SATB2: variants seen among roughly 807,000 people sequenced by gnomAD.
SATB2 encodes the protein SATB homeobox 2, also known as DNA-binding protein SATB2.
Under a neutral mutation model 73.4 loss-of-function variants are expected in SATB2, and 1 was observed. That is an observed-to-expected ratio of 0.01 (90% confidence interval 0.00 to 0.06). SATB2 has a LOEUF of 0.06. Ranked by LOEUF, SATB2 falls within the 10% of genes least tolerant of loss-of-function variation. The pLI, the probability that SATB2 is intolerant of heterozygous loss-of-function variation, is 1.00. For synonymous variants in SATB2, 397 were observed against 367.0 expected (o/e 1.08, Z -0.93); for missense variants, 459 against 945.8 (o/e 0.49, Z 6.75).
chr2:199,393,162 T>TA (rs1690199035), intron 3 of SATB2, among the ~76,000 whole-genome samples: 1 of 152,160 alleles, frequency 6.6e-6, no homozygotes, highest in African/African-American at 2.4e-5. Flanking sequence ...CCTCTGCACT[T>TA]AAAAATATTT....
chr2:199,293,078 TAAGAA>T (rs1448442353), intron 10 of SATB2, among the ~76,000 whole-genome samples: 1 of 152,214 alleles, frequency 6.6e-6, no homozygotes, highest in African/African-American at 2.4e-5. Flanking sequence ...CAGAAAGGGT[TAAGAA>T]AAGAGAATAT....
intron 10 of SATB2, among the ~76,000 whole-genome samples, chr2:199,294,671 T>C (rs1692971404): frequency 6.6e-6 from 1 of 152,162 alleles, no homozygotes; most frequent in South Asian, 2.1e-4. Flanking sequence ...TACCACACTT[T>C]TGAGTACAAC....
At chr2:199,359,432 A>C (rs1208910415) in intron 6 of SATB2, among the ~76,000 whole-genome samples, 3 of 152,212 alleles carry the variant, frequency 2.0e-5, no homozygotes, top group African/African-American at 7.2e-5. Context: ...ACATAGAATG[A>C]TTCTAACCAA....
chr2:199,448,907 C>T (rs546154254), intron 2 of SATB2, among the ~76,000 whole-genome samples: 1 of 152,236 alleles, frequency 6.6e-6, no homozygotes, highest in South Asian at 2.1e-4. Context: ...TGCCCACACA[C>T]TATTAGTGAG....
intron 3 of SATB2, among the ~76,000 whole-genome samples, chr2:199,419,849 A>C (rs1574611743): frequency 6.6e-6 from 1 of 152,162 alleles, no homozygotes. Context: ...ATGCATTTGT[A>C]ATGTCTTTGA....
chr2:199,458,954 AG>A (rs974842253), upstream of SATB2, among the ~76,000 whole-genome samples: 11 of 152,076 alleles, frequency 7.2e-5, no homozygotes, highest in Non-Finnish European at 1.2e-4. Context: ...CCCGAATGCC[AG>A]GAGCACGGCC....
In SATB2 at chr2:199,463,051, G is replaced by A. The variant is rs2105967400; in HGVS notation, c.-141+1785C>T. The stretch of plus-strand genomic sequence containing the variant: ...GCGAGGAGATAGGTTTCAGAGCTGG[G>A]GGAGTCGTTGGTGGGAGATCTGGTG... On this transcript the variant is annotated intron_variant, in intron 1 of 11. Coordinates refer to the SATB2 transcript ENST00000260926. This position sits in a 1 kb window ranked among gnomAD's most constrained non-coding sequence, Gnocchi z 6.4. Among the ~76,000 whole-genome samples, 1 of 152,252 alleles carries A rather than the reference G, an allele frequency of 6.6e-6. No homozygotes were observed. The highest frequency in any genetic ancestry group is 1.5e-5 in the Non-Finnish European group (1 of 68,000).
rs1055918298 is a variant in SATB2 at position 199,270,700 on chromosome 2, G to A, written c.*1511C>T. 4.6e-5 allele frequency: 7 copies of A among 152,326 alleles called. No homozygotes were observed. The highest frequency in any genetic ancestry group is 2.6e-4 in the Admixed American group (4 of 15,274). 9.4% of individuals were successfully genotyped at this position (152,326 alleles called of 1,614,324 possible). ...ATCTGGAGTACTATAGTAGATTGCA[G>A]CTTTAATGCTCATCCCATTAAACAT... On this transcript the variant is annotated 3_prime_UTR_variant, in exon 11 of 11. Transcript: ENST00000417098.
At chr2:199,277,077 C>A (rs757159197) in intron 10 of SATB2, among the ~76,000 whole-genome samples, 1 of 152,090 alleles carries the variant, frequency 6.6e-6, no homozygotes, top group Non-Finnish European at 1.5e-5. Flanking sequence ...CTGTATGATT[C>A]CACTTATGTG....
At chr2:199,449,245 T>C (rs1692055171) in intron 2 of SATB2, among the ~76,000 whole-genome samples, 1 of 152,298 alleles carries the variant, frequency 6.6e-6, no homozygotes, top group East Asian at 1.9e-4. Flanking sequence ...TTTATCTAGT[T>C]TTTTAAAAAT....
At chr2:199,279,672 G>T (rs542307614) in intron 10 of SATB2, among the ~76,000 whole-genome samples, 4 of 152,192 alleles carry the variant, frequency 2.6e-5, no homozygotes, top group African/African-American at 9.7e-5. Context: ...GTCCTGTAGG[G>T]TAAGGTATAT....
chr2:199,357,840 G>C (rs1689031965), intron 6 of SATB2, among the ~76,000 whole-genome samples: 1 of 152,070 alleles, frequency 6.6e-6, no homozygotes, highest in Admixed American at 6.6e-5. Flanking sequence ...ACACAGCAGA[G>C]AGCTTTCTCA....
intron 3 of SATB2, among the ~76,000 whole-genome samples, chr2:199,392,542 G>A (rs906201154): frequency 1.3e-5 from 2 of 152,052 alleles, no homozygotes; most frequent in Non-Finnish European, 2.9e-5. Flanking sequence ...TCTGGCTACA[G>A]CCCCATAAAA....
chr2:199,352,791 T>C (rs1688856980), intron 6 of SATB2, among the ~76,000 whole-genome samples: 1 of 151,430 alleles, frequency 6.6e-6, no homozygotes, highest in Non-Finnish European at 1.5e-5. Flanking sequence ...TTTCTTTAGA[T>C]TTTTTTTTGA....
rs1291830270 is a variant in SATB2 at position 199,272,209 on chromosome 2, C to T, written c.*2G>A. 1 of 1,613,710 alleles carries T rather than the reference C, an allele frequency of 6.2e-7. No homozygotes were observed. The highest frequency in any genetic ancestry group is 1.1e-5 in the South Asian group (1 of 91,072). On this transcript the variant is annotated 3_prime_UTR_variant, in exon 11 of 11. Coordinates refer to ENST00000417098, the MANE Select transcript of SATB2 (RefSeq NM_001172509.2). This position sits in a 1 kb window ranked among gnomAD's most constrained non-coding sequence, Gnocchi z 6.7. Reference sequence around the variant, plus strand: ...TATTGCTTTGCCTAGTAGAAGTTCACATTATCTCTGGTCAATTTCGGCAGG... The same window carrying T: ...TATTGCTTTGCCTAGTAGAAGTTCATATTATCTCTGGTCAATTTCGGCAGG...
intron 7 of SATB2, among the ~76,000 whole-genome samples, chr2:199,344,209 T>C (rs1574526920): frequency 6.6e-6 from 1 of 152,182 alleles, no homozygotes; most frequent in Non-Finnish European, 1.5e-5. Flanking sequence ...AGCCATGAAA[T>C]GCCTATTCAT....
chr2:199,340,787 T>C (rs1487937459), intron 7 of SATB2, among the ~76,000 whole-genome samples: 2 of 152,176 alleles, frequency 1.3e-5, no homozygotes, highest in Admixed American at 1.3e-4. Flanking sequence ...AATGCTCCCA[T>C]TCACATGTGG....
intron 7 of SATB2, among the ~76,000 whole-genome samples, chr2:199,344,087 G>C (rs1041214400): frequency 1.3e-5 from 2 of 152,076 alleles, no homozygotes. Context: ...ATGCTACTTG[G>C]ATAAAATGTA....
intron 3 of SATB2, among the ~76,000 whole-genome samples, chr2:199,386,131 G>C (rs1394500992): frequency 6.6e-6 from 1 of 152,098 alleles, no homozygotes; most frequent in African/African-American, 2.4e-5. Flanking sequence ...AAAATCCTTG[G>C]AGAACCAGAA....
Sources: gnomAD v4.1 joint callset for allele counts (sites outside exome capture counted in the v4.1 genomes callset) on GRCh38, gnomAD v4.1.1 for gene constraint, Gnocchi (gnomAD v3.1) non-coding constraint, MANE v1.5 for transcripts, NCBI Gene and HGNC (gene_info 2026-07-23, HGNC 2026-07-21) for gene names.